Variants in SLC9C1 observed in about 807,000 individuals in gnomAD.
SLC9C1 encodes the protein sodium/hydrogen exchanger 10.
A neutral mutation model predicts 140.9 loss-of-function variants in SLC9C1; 97 were observed. The observed-to-expected ratio is 0.69, with a 90% CI of 0.58 to 0.82. SLC9C1 has a LOEUF of 0.82. Ranked by LOEUF, SLC9C1 falls within the 40% of genes least tolerant of loss-of-function variation. The pLI, the probability that SLC9C1 is intolerant of heterozygous loss-of-function variation, is 0.00. For missense variants in SLC9C1, 1,340 were observed against 1,389.3 expected, an observed-to-expected ratio of 0.96 and a Z score of 0.56; for synonymous variants, 440 against 442.6, an observed-to-expected ratio of 0.99 and a Z score of 0.07.
intron 14 of SLC9C1, among the ~76,000 whole-genome samples, chr3:112,220,195 A>C (rs1253503453): frequency 6.6e-6 from 1 of 152,262 alleles, no homozygotes; most frequent in Non-Finnish European, 1.5e-5. Context: ...ATATAATGTC[A>C]TAATGATTTG....
intron 23 of SLC9C1, among the ~76,000 whole-genome samples, chr3:112,171,324 C>T (rs537320031): frequency 2.0e-5 from 3 of 152,146 alleles, no homozygotes; most frequent in Admixed American, 6.5e-5. Flanking sequence ...TGTGTATTGA[C>T]GTACCACTGT....
chr3:112,178,138 T>C (rs2077373868), intron 23 of SLC9C1, among the ~76,000 whole-genome samples: 1 of 126,684 alleles, frequency 7.9e-6, no homozygotes, highest in Non-Finnish European at 1.7e-5. Flanking sequence ...CCACTACATA[T>C]TTTTTTTTTT....
At chr3:112,241,415 C>A (rs4364142) in intron 11 of SLC9C1, among the ~76,000 whole-genome samples, 89,822 of 151,756 alleles carry the variant, frequency 0.59, 27,072 homozygotes, top group East Asian at 0.79. Flanking sequence ...CTCTACAAGG[C>A]GAACTATAAA....
chr3:112,214,115 A>G (rs537058582), intron 15 of SLC9C1, among the ~76,000 whole-genome samples: 129 of 152,360 alleles, frequency 8.5e-4, no homozygotes, highest in African/African-American at 2.9e-3. Context: ...ACTACTGGGT[A>G]CATGACAAAA....
chr3:112,265,177 T>A (rs6438062), intron 8 of SLC9C1, among the ~76,000 whole-genome samples: 1 of 151,700 alleles, frequency 6.6e-6, no homozygotes, highest in Admixed American at 6.6e-5. Flanking sequence ...GATCACCTAC[T>A]TCAATTGTAG....
intron 5 of SLC9C1, among the ~76,000 whole-genome samples, chr3:112,277,002 G>A (rs925682036): frequency 2.6e-5 from 4 of 151,962 alleles, no homozygotes; most frequent in African/African-American, 4.8e-5. Context: ...AAGAGTATGC[G>A]TGTGTGTGTG....
At chr3:112,155,473 CTG>C (rs1257715873) in intron 26 of SLC9C1, among the ~76,000 whole-genome samples, 2 of 152,046 alleles carry the variant, frequency 1.3e-5, no homozygotes, top group Non-Finnish European at 2.9e-5. Context: ...AAAAACAGGA[CTG>C]TGTGTATGTT....
At chr3:112,165,459 C>G (rs2077107581) in intron 26 of SLC9C1, among the ~76,000 whole-genome samples, 1 of 152,256 alleles carries the variant, frequency 6.6e-6, no homozygotes, top group East Asian at 1.9e-4. Context: ...GTGTGGATGT[C>G]CTTTGTGTTT....
At chr3:112,207,569 T>G (rs1442200725) in intron 16 of SLC9C1, among the ~76,000 whole-genome samples, 4 of 152,308 alleles carry the variant, frequency 2.6e-5, no homozygotes, top group Non-Finnish European at 2.9e-5. Context: ...CTCTGACCAA[T>G]TCATTCCTGA....
At chr3:112,226,509 G>C (rs1037475652) in intron 13 of SLC9C1, among the ~76,000 whole-genome samples, 7 of 151,860 alleles carry the variant, frequency 4.6e-5, no homozygotes, top group African/African-American at 1.7e-4. Context: ...ATCACTTGAG[G>C]TCAGGAGTTT....
intron 20 of SLC9C1, among the ~76,000 whole-genome samples, chr3:112,187,642 T>C (rs887815154): frequency 1.3e-5 from 2 of 152,186 alleles, no homozygotes; most frequent in African/African-American, 4.8e-5. Flanking sequence ...AGTTTACTAA[T>C]TATATAGGTG....
chr3:112,230,680 G>C (rs1316005405), intron 13 of SLC9C1, among the ~76,000 whole-genome samples: 1 of 152,124 alleles, frequency 6.6e-6, no homozygotes, highest in African/African-American at 2.4e-5. Context: ...TACATGGCTG[G>C]AATAGCTGAG....
chr3:112,231,467 G>A lies in SLC9C1; in HGVS notation c.1466C>T (p.Thr489Ile), dbSNP rs771961832. The change falls in exon 13 of 29, where the codon ACA (threonine) becomes ATA (isoleucine). Residue 489 changes from threonine to isoleucine, a missense_variant. By Grantham distance (89) the Thr-to-Ile change is moderately conservative. Transcript: ENST00000305815. ...NPYMLNEEET[T>I]EHQKVKCPHC... ...TGGACATTTCACCTTCTGATGTTCT[G>A]TTGTTTCTTCTTCGTTCAACTAAAT... The A allele has an allele frequency of 1.9e-6, 3 of 1,611,292 alleles. No individual in the cohort carries two copies.
chr3:112,191,904 A>G (rs1339567745), intron 20 of SLC9C1, among the ~76,000 whole-genome samples: 3 of 152,064 alleles, frequency 2.0e-5, no homozygotes, highest in African/African-American at 4.8e-5. Context: ...CCTTAATATT[A>G]TATATTAGAC....
intron 28 of SLC9C1, among the ~76,000 whole-genome samples, chr3:112,148,302 T>C (rs1365593184): frequency 2.0e-5 from 3 of 152,170 alleles, no homozygotes; most frequent in Non-Finnish European, 4.4e-5. Context: ...GGAGAGCTAG[T>C]GAAATCCTTT....
chr3:112,174,455 A>C (rs895420792), intron 23 of SLC9C1, among the ~76,000 whole-genome samples: 1 of 152,156 alleles, frequency 6.6e-6, no homozygotes. Flanking sequence ...TCTTCCCCAG[A>C]CTAAGGGCAG....
chr3:112,198,989 G>A (rs917629951), intron 20 of SLC9C1, among the ~76,000 whole-genome samples: 12 of 150,702 alleles, frequency 8.0e-5, no homozygotes, highest in South Asian at 2.1e-4. Context: ...TGTTTTACAC[G>A]AAAAATGTTA....
chr3:112,141,021 T>C lies in SLC9C1; in HGVS notation c.*251A>G. 2.7e-6 allele frequency: 1 copy of C among 369,478 alleles called. No individual in the cohort carries two copies. The highest frequency in any genetic ancestry group is 5.0e-6 in the Non-Finnish European group (1 of 201,506). 22.9% of individuals were successfully genotyped at this position (369,478 alleles called of 1,614,324 possible). A position where few individuals can be genotyped will look rare whatever the true frequency, so the allele number is the denominator to read the frequency against. On this transcript the variant is annotated 3_prime_UTR_variant, in exon 29 of 29. Transcript: ENST00000305815. ...ATTTTCTGGCTTTAAGACTAAAATT[T>C]ACTCTAAGATTTTCTAAAATGTTTT...
At chr3:112,178,935 G>A (rs553143148) in intron 23 of SLC9C1, among the ~76,000 whole-genome samples, 1 of 152,126 alleles carries the variant, frequency 6.6e-6, no homozygotes, top group African/African-American at 2.4e-5. Flanking sequence ...CAAGATAAAT[G>A]TTTACTTCTT....
Sources: gnomAD v4.1 joint callset for allele counts (sites outside exome capture counted in the v4.1 genomes callset) on GRCh38, gnomAD v4.1.1 for gene constraint, MANE v1.5 for transcripts, NCBI Gene and HGNC (gene_info 2026-07-23, HGNC 2026-07-21) for gene names.